The following ABI3BP variants were observed in gnomAD, a reference collection of about 807,000 sequenced individuals.
The protein encoded by ABI3BP is target of Nesh-SH3.
Under a neutral mutation model 268.6 loss-of-function variants are expected in ABI3BP, and 216 were observed. The ratio of observed to expected loss-of-function variants is 0.80; its 90% CI spans 0.72 to 0.90. The LOEUF (loss-of-function observed/expected upper bound fraction) is 0.90, where lower values mean the gene tolerates loss of function less well. Among genes scored for constraint, ABI3BP ranks in the 40% least tolerant of loss-of-function variants. The probability of loss-of-function intolerance (pLI) is 0.00; values close to 1 mark genes in which losing one functional copy is unlikely to be tolerated. For missense variants in ABI3BP, 2,090 were observed against 2,182.4 expected, an observed-to-expected ratio of 0.96 and a Z score of 0.84; for synonymous variants, 730 against 730.0, an observed-to-expected ratio of 1.00 and a Z score of 0.00.
intron 37 of ABI3BP, among the ~76,000 whole-genome samples, chr3:100,822,944 C>T (rs1427156955): frequency 1.3e-5 from 2 of 151,934 alleles, no homozygotes; most frequent in East Asian, 1.9e-4. Flanking sequence ...AGTACTATTG[C>T]CAAATTTTAA....
chr3:100,897,401 T>TAA (rs139448805), intron 4 of ABI3BP, among the ~76,000 whole-genome samples: 10 of 151,054 alleles, frequency 6.6e-5, no homozygotes, highest in African/African-American at 4.9e-5. Context: ...TTCATATACA[T>TAA]AAAAAAAAAC....
chr3:100,935,404 G>A (rs944744387), intron 1 of ABI3BP, among the ~76,000 whole-genome samples: 4 of 152,242 alleles, frequency 2.6e-5, no homozygotes, highest in Admixed American at 6.5e-5. Flanking sequence ...TTTGAAGTCA[G>A]GTAGTGTGAT....
At chr3:100,926,541 A>G in intron 1 of ABI3BP, 60 bp from the exon 2 acceptor site, 1 of 1,485,538 alleles carries the variant, frequency 6.7e-7, no homozygotes, top group Non-Finnish European at 9.3e-7. Context: ...ATCCTACCCA[A>G]CTTCCCAGCA....
In ABI3BP at chr3:100,770,953, C is replaced by G; in HGVS notation, c.4532-1G>C. The stretch of plus-strand genomic sequence containing the variant: ...TTTTGGATGTATCGCACATGAGGTC[C>G]TACGAGAGAGAGGACCCTTGACATT... On this transcript the variant is annotated splice_acceptor_variant, in intron 61 of 67. Coordinates refer to ENST00000471714, the MANE Select transcript of ABI3BP (RefSeq NM_001375547.2). LOFTEE classifies it high-confidence loss of function. 6.4e-7 allele frequency: 1 copy of G among 1,551,074 alleles called. No individual in the cohort carries two copies. The highest frequency in any genetic ancestry group is 8.7e-7 in the Non-Finnish European group (1 of 1,146,598).
At chr3:100,823,571 ACT>A in intron 36 of ABI3BP, 57 bp from the exon 37 acceptor site, 1 of 1,351,984 alleles carries the variant, frequency 7.4e-7, no homozygotes. Context: ...AAGTTAGAAC[ACT>A]CACATGCAAA....
Position 100,811,641 on chromosome 3 carries a change from G to A in ABI3BP, c.3493+87C>T. 2.2e-6 allele frequency: 3 copies of A among 1,336,974 alleles called. No individual in the cohort carries two copies. The South Asian group carries it at 3.9e-5, about 17-fold the overall frequency. The allele number at this position is 1,336,974 out of a possible 1,614,324, so 82.8% of individuals were successfully genotyped here. A position where few individuals can be genotyped will look rare whatever the true frequency, so the allele number is the denominator to read the frequency against. ...GTTTAATTGTGAATCAAGTACCACA[G>A]CTTGAACTTTCATATTCCGTGGATG... is the stretch of plus-strand genomic sequence containing the variant. On this transcript the variant is annotated intron_variant, in intron 47 of 67. Coordinates refer to ENST00000471714, the MANE Select transcript of ABI3BP (RefSeq NM_001375547.2).
At position 100,932,192 on chromosome 3, in the gene ABI3BP, A is replaced by C. The variant is rs529096462; in HGVS notation, c.80-5711T>G. On this transcript the variant is annotated intron_variant, in intron 1 of 67. Transcript: ENST00000471714. ...GCTGGATCCCTTCCTTTCACCATAT[A>C]TAAAAATCAACTCAACATGGATTAA... Among the ~76,000 whole-genome samples, 113 of 152,224 alleles carry C rather than the reference A, an allele frequency of 7.4e-4. 1 individual carries two copies. The highest frequency in any genetic ancestry group is 1.5e-3 in the Admixed American group (23 of 15,244).
chr3:100,758,113 A>C lies in ABI3BP; in HGVS notation c.4851-3422T>G, dbSNP rs573054249. On this transcript the variant is annotated intron_variant, in intron 63 of 67. Coordinates refer to ENST00000471714, the MANE Select transcript of ABI3BP (RefSeq NM_001375547.2). ...TCCCCTCCAAAAACAAACAAACAAA[A>C]AAAAAACAATCTTCCCCGCGCATCC... Among the ~76,000 whole-genome samples, 108 of 151,684 alleles carry C rather than the reference A, an allele frequency of 7.1e-4. 1 individual carries two copies. The highest frequency in any genetic ancestry group is 1.9e-3 in the South Asian group (9 of 4,816).
Position 100,875,367 on chromosome 3 carries a change from A to G in ABI3BP, c.817+141T>C, listed in dbSNP as rs1322601083. ...TGGCTCCTAGCCTGGAATGGACACG[A>G]GCCAGGATGCTAAACAGTGAAAGGA... On this transcript the variant is annotated intron_variant, in intron 8 of 67. Transcript: ENST00000471714. 1.2e-4 allele frequency: 79 copies of G among 664,724 alleles called. No homozygotes were observed. In the Admixed American group the frequency reaches 1.9e-3, roughly 16 times the overall value. The allele number at this position is 664,724 out of a possible 1,614,324, so 41.2% of individuals were successfully genotyped here.
chr3:100,791,253 T>G (rs1041103409), intron 55 of ABI3BP, among the ~76,000 whole-genome samples: 5 of 151,868 alleles, frequency 3.3e-5, no homozygotes, highest in Admixed American at 2.6e-4. Context: ...CCATATATAC[T>G]AGTAATGGTG....
intron 63 of ABI3BP, among the ~76,000 whole-genome samples, chr3:100,758,728 C>T (rs925418344): frequency 1.3e-5 from 2 of 151,956 alleles, no homozygotes; most frequent in Non-Finnish European, 2.9e-5. Flanking sequence ...TGTTTGACAC[C>T]AACAGTTTGA....
rs780685035 is a variant in ABI3BP at position 100,753,861 on chromosome 3, A to T, written c.4931-13T>A. ...ACTCTTGGGTCCGCTGAGGAGAAAT[A>T]AATAGAAAAGTCAGACCTTACTAGG... On this transcript the variant is annotated splice_polypyrimidine_tract_variant and intron_variant, in intron 64 of 67. Transcript: ENST00000471714. 2.5e-6 allele frequency: 4 copies of T among 1,606,460 alleles called. No homozygotes were observed. In the East Asian group the frequency reaches 9.0e-5, roughly 36 times the overall value.
Position 100,851,869 on chromosome 3 carries a change from A to G in ABI3BP, c.1351+6T>C. 1 of 1,591,284 alleles carries G rather than the reference A, an allele frequency of 6.3e-7. No homozygotes were observed. Among genetic ancestry groups the G allele is most frequent in the Non-Finnish European group, 8.6e-7 (1 of 1,169,244 alleles). ...TCCAAAGACAGAATTGAGAGGCCAG[A>G]TATACCTGTGTAGGAATCTGATATC... On this transcript the variant is annotated splice_donor_region_variant and intron_variant, in intron 15 of 67. Transcript: ENST00000471714.
At chr3:100,841,338 A>G (rs1321264376) in intron 21 of ABI3BP, among the ~76,000 whole-genome samples, 4 of 151,212 alleles carry the variant, frequency 2.6e-5, no homozygotes, top group African/African-American at 9.7e-5. Flanking sequence ...CAAAAGTTAG[A>G]GTTTTGAAAG....
chr3:100,874,507 G>C (rs1318616920), intron 9 of ABI3BP, among the ~76,000 whole-genome samples: 1 of 151,962 alleles, frequency 6.6e-6, no homozygotes, highest in African/African-American at 2.4e-5. Flanking sequence ...AATTCTCATT[G>C]CAAATACCTA....
intron 3 of ABI3BP, among the ~76,000 whole-genome samples, chr3:100,901,650 C>T (rs1034373224): frequency 5.3e-5 from 8 of 151,852 alleles, no homozygotes; most frequent in Non-Finnish European, 1.0e-4. Flanking sequence ...CCTGTAGTCC[C>T]AGCTACTCGA....
At chr3:100,845,767 A>G (rs1047460937) in intron 20 of ABI3BP, among the ~76,000 whole-genome samples, 1 of 152,104 alleles carries the variant, frequency 6.6e-6, no homozygotes, top group Non-Finnish European at 1.5e-5. Context: ...TGGTCATTCA[A>G]TATGTTACAC....
At chr3:100,789,585 C>A in intron 55 of ABI3BP, 69 bp from the exon 56 acceptor site, 2 of 1,457,970 alleles carry the variant, frequency 1.4e-6, no homozygotes, top group Admixed American at 4.0e-5. Flanking sequence ...GATTTAGCAT[C>A]CTAGGGACCA....
At chr3:100,824,973 G>T in intron 35 of ABI3BP, 32 bp from the exon 36 acceptor site, 1 of 1,515,162 alleles carries the variant, frequency 6.6e-7, no homozygotes, top group Non-Finnish European at 8.9e-7. Flanking sequence ...TGTTACTCTA[G>T]GTCTTATGAT....
Sources: allele counts gnomAD v4.1 joint callset (sites outside exome capture counted in the v4.1 genomes callset), GRCh38; gene constraint gnomAD v4.1.1; transcripts MANE v1.5; gene names NCBI Gene and HGNC (gene_info 2026-07-23, HGNC 2026-07-21).